Variants in SMYD3 observed in about 807,000 individuals in gnomAD.
SMYD3 encodes the protein SET and MYND domain containing 3.
SMYD3 carries 36 observed loss-of-function variants against 57.7 expected under a neutral mutation model. The ratio of observed to expected loss-of-function variants is 0.62; its 90% CI spans 0.48 to 0.82. The LOEUF is 0.82. SMYD3 is among the 40% of genes least tolerant of loss of function. The pLI, the probability that SMYD3 is intolerant of heterozygous loss-of-function variation, is 0.00. For missense variants in SMYD3, 515 were observed against 538.8 expected (o/e 0.96, Z 0.44); for synonymous variants, 211 against 195.0 (o/e 1.08, Z -0.68).
At chr1:245,933,037 A>G (rs985917947) in intron 5 of SMYD3, among the ~76,000 whole-genome samples, 2 of 152,246 alleles carry the variant, frequency 1.3e-5, no homozygotes, top group African/African-American at 4.8e-5. Context: ...AACAGTGGAT[A>G]TGCAGAAGCT....
Position 246,202,185 on chromosome 1 carries a change from G to A in SMYD3, c.531+125016C>T, listed in dbSNP as rs574896212. On this transcript the variant is annotated intron_variant, in intron 5 of 11. Transcript: ENST00000490107. The surrounding 1 kb of genome is among the most constrained non-coding windows in gnomAD (Gnocchi z 4.1). The stretch of plus-strand genomic sequence containing the variant: ...GATATTTTCTATAATGTACTTTTAT[G>A]ATTTGAAATATTTTTAATTTAAAAA... Among the ~76,000 whole-genome samples the A allele has an allele frequency of 6.6e-6, 1 of 151,866 alleles. No individual in the cohort carries two copies. Among genetic ancestry groups the A allele is most frequent in the African/African-American group, 2.4e-5 (1 of 41,382 alleles).
intron 5 of SMYD3, among the ~76,000 whole-genome samples, chr1:246,178,255 A>G (rs910943127): frequency 1.3e-5 from 2 of 152,174 alleles, no homozygotes; most frequent in African/African-American, 4.8e-5. Context: ...GGAATCAAGC[A>G]GGTGGCACCC....
At chr1:246,344,095 C>T (rs552372137) in intron 2 of SMYD3, among the ~76,000 whole-genome samples, 3 of 152,216 alleles carry the variant, frequency 2.0e-5, no homozygotes, top group South Asian at 4.1e-4. Context: ...ATTGTCCAGG[C>T]TGGTCTCTAA....
intron 1 of SMYD3, among the ~76,000 whole-genome samples, chr1:246,417,773 G>C (rs1333677425): frequency 2.0e-5 from 3 of 152,128 alleles, no homozygotes; most frequent in African/African-American, 7.2e-5. Context: ...GCAGAATTCA[G>C]GCCCTTATCA....
At chr1:246,191,085 C>T (rs979526004) in intron 5 of SMYD3, among the ~76,000 whole-genome samples, 13 of 152,226 alleles carry the variant, frequency 8.5e-5, no homozygotes, top group African/African-American at 3.1e-4. Context: ...GGAGAAAACG[C>T]ACCTCACGGT....
intron 5 of SMYD3, among the ~76,000 whole-genome samples, chr1:246,130,430 C>T (rs149562447): frequency 1.1e-3 from 170 of 152,206 alleles, no homozygotes; most frequent in African/African-American, 3.5e-3. Flanking sequence ...ACAGGAAGAC[C>T]ATTTATGCTA....
At chr1:245,972,598 C>T (rs1185139462) in intron 5 of SMYD3, among the ~76,000 whole-genome samples, 3 of 152,228 alleles carry the variant, frequency 2.0e-5, no homozygotes, top group Admixed American at 6.5e-5. Context: ...GCCTGAACTA[C>T]GTTTCCCAGT....
intron 5 of SMYD3, among the ~76,000 whole-genome samples, chr1:246,290,356 A>G (rs1292463066): frequency 6.6e-6 from 1 of 152,220 alleles, no homozygotes; most frequent in Non-Finnish European, 1.5e-5. Context: ...TTCACTAGAC[A>G]AGAGAAGCCC....
chr1:246,358,128 C>G (rs1459375375), intron 1 of SMYD3, among the ~76,000 whole-genome samples: 1 of 152,104 alleles, frequency 6.6e-6, no homozygotes, highest in African/African-American at 2.4e-5. Flanking sequence ...AAATGACATT[C>G]CATGCAAATG....
intron 5 of SMYD3, among the ~76,000 whole-genome samples, chr1:246,240,187 T>C (rs1323123006): frequency 6.6e-6 from 1 of 152,202 alleles, no homozygotes; most frequent in Non-Finnish European, 1.5e-5. Flanking sequence ...CTGAATGGTA[T>C]TGCCTAGGTT....
chr1:246,327,302 G>A lies in SMYD3; in HGVS notation c.430C>T (p.Leu144Phe). The part of the protein sequence containing the change: ...NKLTEDKKEG[L>F]RQLVMTFQHF... ...TGAAATGTCATTACGAGTTGCCTGAGGCCCTCTTTCTTATCTTCAGTCAGT... is the reference window on the plus strand; with the variant it reads ...TGAAATGTCATTACGAGTTGCCTGAAGCCCTCTTTCTTATCTTCAGTCAGT... The change falls in exon 5 of 12, where the codon CTC becomes TTC. Residue 144 changes from leucine (L) to phenylalanine (F), a missense_variant. By Grantham distance (22) the Leu-to-Phe change is conservative. Coordinates refer to ENST00000490107, the MANE Select transcript of SMYD3 (RefSeq NM_001167740.2). 3.1e-6 allele frequency: 5 copies of A among 1,613,738 alleles called. No homozygotes were observed. The highest frequency in any genetic ancestry group is 4.2e-6 in the Non-Finnish European group (5 of 1,179,850).
intron 5 of SMYD3, among the ~76,000 whole-genome samples, chr1:246,024,097 T>A (rs1392358911): frequency 1.3e-5 from 2 of 152,052 alleles, no homozygotes; most frequent in Non-Finnish European, 1.5e-5. Flanking sequence ...GAGATGAAAA[T>A]CAGGTTGCTT....
chr1:246,122,305 A>T (rs1237159530), intron 5 of SMYD3, among the ~76,000 whole-genome samples: 1 of 152,114 alleles, frequency 6.6e-6, no homozygotes, highest in Non-Finnish European at 1.5e-5. Flanking sequence ...CCAGCTACTC[A>T]GGAGGCGGGG....
intron 5 of SMYD3, among the ~76,000 whole-genome samples, chr1:246,021,197 G>T (rs1293199239): frequency 1.3e-5 from 2 of 152,154 alleles, no homozygotes; most frequent in Non-Finnish European, 2.9e-5. Flanking sequence ...CTCGGGTGAA[G>T]GTCAGGAGTT....
intron 1 of SMYD3, among the ~76,000 whole-genome samples, chr1:246,442,643 TAAAG>T (rs1307595750): frequency 1.3e-5 from 2 of 152,078 alleles, no homozygotes; most frequent in Admixed American, 1.3e-4. Context: ...AATCTAATGA[TAAAG>T]AAATATACTG....
intron 5 of SMYD3, among the ~76,000 whole-genome samples, chr1:246,153,405 TAGGGAAGGAGGG>T (rs1320471672): frequency 5.2e-5 from 6 of 114,682 alleles, no homozygotes; most frequent in Non-Finnish European, 9.9e-5. Context: ...CTGCTGGAGA[TAGGGAAGGAGGG>T]AGGGAGGGAG....
intron 5 of SMYD3, among the ~76,000 whole-genome samples, chr1:246,224,279 G>A (rs1007479487): frequency 6.6e-6 from 1 of 152,028 alleles, no homozygotes. Flanking sequence ...ACCTTTCTGG[G>A]GTGGGGTGTG....
intron 10 of SMYD3, among the ~76,000 whole-genome samples, chr1:245,791,952 T>TTCTGTG (rs145276611): frequency 6.8e-6 from 1 of 146,138 alleles, no homozygotes; most frequent in South Asian, 2.3e-4. Flanking sequence ...AATTTTAAAC[T>TTCTGTG]TGTGTGTGTG....
intron 5 of SMYD3, among the ~76,000 whole-genome samples, chr1:246,000,465 T>G (rs1024297512): frequency 2.6e-5 from 4 of 152,208 alleles, no homozygotes; most frequent in Non-Finnish European, 5.9e-5. Flanking sequence ...GGCTGTGGTC[T>G]GCAGGGGGCG....
Sources: gnomAD v4.1 joint callset for allele counts (sites outside exome capture counted in the v4.1 genomes callset) on GRCh38, gnomAD v4.1.1 for gene constraint, Gnocchi (gnomAD v3.1) non-coding constraint, MANE v1.5 for transcripts, NCBI Gene and HGNC (gene_info 2026-07-23, HGNC 2026-07-21) for gene names.